Variants in TYMS observed in about 807,000 individuals in gnomAD.
TYMS encodes thymidylate synthase.
Under a neutral mutation model 39.3 loss-of-function variants are expected in TYMS, and 21 were observed. The ratio of observed to expected loss-of-function variants is 0.54; its 90% CI spans 0.38 to 0.77. TYMS has a LOEUF of 0.77. Among genes scored for constraint, TYMS ranks in the 30% least tolerant of loss-of-function variants. The pLI is 0.00. For missense variants in TYMS, 273 were observed against 406.7 expected (o/e 0.67, Z 2.83); for synonymous variants, 171 against 162.2 (o/e 1.05, Z -0.41).
intron 4 of TYMS, 189 bp from the exon 5 acceptor site, chr18:670,503 G>A (rs375299193): frequency 1.7e-4 from 100 of 599,334 alleles, no homozygotes; most frequent in Non-Finnish European, 2.4e-4. Context: ...ACCTTGCACC[G>A]ATGGATAGTC....
At chr18:670,418 T>C (rs2074986786) in intron 4 of TYMS, 1 of 363,858 alleles carries the variant, frequency 2.7e-6, no homozygotes. Context: ...TGTAATCTGG[T>C]GCCACGAGGT....
intron 3 of TYMS, among the ~76,000 whole-genome samples, chr18:667,013 ATGGAGATGGAGATGGT>A: frequency 1.6e-4 from 1 of 6,232 alleles, no homozygotes. Context: ...GGTGATGGTG[ATGGAGATGGAGATGGT>A]GATGGAGATG....
chr18:672,817 G>C (rs774123981), intron 6 of TYMS, 43 bp from the exon 7 acceptor site: 1 of 1,535,702 alleles, frequency 6.5e-7, no homozygotes, highest in Non-Finnish European at 8.9e-7. Context: ...ATTACAACAG[G>C]TCGTACAATT....
chr18:661,873 T>C (rs2074759091), intron 2 of TYMS, among the ~76,000 whole-genome samples: 1 of 152,210 alleles, frequency 6.6e-6, no homozygotes, highest in Admixed American at 6.5e-5. Context: ...TAATCCCAGC[T>C]ACTCGGGAGG....
rs2074745815 is a variant in TYMS at position 660,460 on chromosome 18, G to A, written c.279+746G>A. 6.6e-6 allele frequency among the ~76,000 whole-genome samples: 1 copy of A among 152,216 alleles called. No individual in the cohort carries two copies. The highest frequency in any genetic ancestry group is 3.2e-3 in the Middle Eastern group (1 of 316). Reference sequence around the variant, plus strand: ...AAGGGGGACAGCAGGTAGTAAAAGTGAAATGTGCTGTAAGCTTTATGAGGG... The same window carrying A: ...AAGGGGGACAGCAGGTAGTAAAAGTAAAATGTGCTGTAAGCTTTATGAGGG... On this transcript the variant is annotated intron_variant, in intron 2 of 6. Coordinates refer to ENST00000323274, the MANE Select transcript of TYMS (RefSeq NM_001071.4). This position sits in a 1 kb window ranked among gnomAD's most constrained non-coding sequence, Gnocchi z 4.6.
intron 3 of TYMS, among the ~76,000 whole-genome samples, chr18:667,358 TGATGGA>T (rs1318751891): frequency 3.1e-4 from 8 of 25,414 alleles, no homozygotes; most frequent in South Asian, 5.0e-3. Flanking sequence ...ATGGTGATGG[TGATGGA>T]GATGGTGATG....
rs1307007684 is a variant in TYMS at position 670,622 on chromosome 18, TTTTAC to T, written c.557-66_557-62del. 6.5e-6 allele frequency: 10 copies of T among 1,550,116 alleles called. No homozygotes were observed. In the African/African-American group the frequency reaches 1.1e-4, roughly 17 times the overall value. ...TGAGTTGGCTTCTGTTTCTCTCCTGTTTTACTTTGCCTTTAGCTGTGGTCTTTCAA... is the reference window on the plus strand; with the variant it reads ...TGAGTTGGCTTCTGTTTCTCTCCTGTTTTGCCTTTAGCTGTGGTCTTTCAA... On this transcript the variant is annotated intron_variant, in intron 4 of 6. Coordinates refer to ENST00000323274, the MANE Select transcript of TYMS (RefSeq NM_001071.4).
chr18:669,188 GTCGTCT>G lies in TYMS; in HGVS notation c.556+18_556+23del. 11 of 1,608,002 alleles carry G rather than the reference GTCGTCT, an allele frequency of 6.8e-6. No individual in the cohort carries two copies. The highest frequency in any genetic ancestry group is 9.4e-6 in the Non-Finnish European group (11 of 1,174,688). The stretch of plus-strand genomic sequence containing the variant: ...GAATCCAAGAGGTTGAAAGAACCCC[GTCGTCT>G]TCATTTATACTAACCATACTCTTAG... On this transcript the variant is annotated intron_variant, in intron 4 of 6. Transcript: ENST00000323274.
chr18:671,688 G>C (rs571616821), intron 6 of TYMS: 1 of 525,414 alleles, frequency 1.9e-6, no homozygotes, highest in Non-Finnish European at 3.3e-6. Flanking sequence ...GTACCAGAGA[G>C]GGAAGAGCCA....
intron 1 of TYMS, among the ~76,000 whole-genome samples, chr18:659,184 AAGCG>A (rs1238503663): frequency 6.6e-6 from 1 of 152,208 alleles, no homozygotes; most frequent in Non-Finnish European, 1.5e-5. Flanking sequence ...ACTGTACCAC[AAGCG>A]AGTGCGGATG....
intron 3 of TYMS, among the ~76,000 whole-genome samples, 157 bp downstream of exon 3, chr18:662,477 T>G (rs1314087603): frequency 6.6e-6 from 1 of 151,048 alleles, no homozygotes; most frequent in Non-Finnish European, 1.5e-5. Context: ...AAGCCACAAT[T>G]AAGCCTCATG....
At chr18:667,962 TTTTTAA>T (rs1039479129) in intron 3 of TYMS, among the ~76,000 whole-genome samples, 14 of 151,646 alleles carry the variant, frequency 9.2e-5, no homozygotes, top group African/African-American at 2.9e-4. Flanking sequence ...TCCCTTTTTG[TTTTTAA>T]TTTTGTTTTA....
intron 5 of TYMS, 182 bp downstream of exon 5, chr18:671,049 G>A: frequency 1.4e-6 from 1 of 704,876 alleles, no homozygotes; most frequent in Non-Finnish European, 2.3e-6. Context: ...TTCTGGCCCT[G>A]TGGTATACGC....
In TYMS at chr18:658,049, T is replaced by C. The variant is rs867324318; in HGVS notation, c.205+102T>C. 13 of 1,567,150 alleles carry C rather than the reference T, an allele frequency of 8.3e-6. No homozygotes were observed. The East Asian group carries it at 2.4e-4, about 29-fold the overall frequency. ...GGGCGCTGCGGACCCCGTTTAGTCC[T>C]AACCTCAATCCTGCGAGGGAGGGGA... On this transcript the variant is annotated intron_variant, in intron 1 of 6. Coordinates refer to ENST00000323274, the MANE Select transcript of TYMS (RefSeq NM_001071.4). The surrounding 1 kb of genome is among the most constrained non-coding windows in gnomAD (Gnocchi z 4.5).
chr18:662,237 C>T lies in TYMS; in HGVS notation c.371C>T (p.Ser124Phe). The change falls in exon 3 of 7, where the codon TCC becomes TTC. Residue 124 changes from serine to phenylalanine, a missense_variant. Physicochemically the swap from Ser to Phe is radical, Grantham distance 155 (BLOSUM62 -2). Around this residue, in one of 3 missense-constraint regions of TYMS, gnomAD observed 228 missense variants for 326.1 expected, o/e 0.70. Transcript: ENST00000323274. Reference protein sequence around the residue: ...SRDFLDSLGFSTREEGDLGPV... With the variant: ...SRDFLDSLGFFTREEGDLGPV... ...GACTTTTTGGACAGCCTGGGATTCT[C>T]CACCAGAGAAGAAGGGGACTTGGGC... 1 of 1,614,020 alleles carries T rather than the reference C, an allele frequency of 6.2e-7. No homozygotes were observed. Among genetic ancestry groups the T allele is most frequent in the Admixed American group, 1.7e-5 (1 of 60,010 alleles).
intron 6 of TYMS, chr18:672,556 TTGAC>T (rs2144408578): frequency 4.7e-6 from 1 of 212,610 alleles, no homozygotes; most frequent in South Asian, 1.4e-4. Context: ...GAGTTACAGA[TTGAC>T]TGTGTTCCTG....
At chr18:671,195 G>A (rs944582907) in intron 5 of TYMS, 185 bp from the exon 6 acceptor site, 6 of 621,016 alleles carry the variant, frequency 9.7e-6, no homozygotes, top group African/African-American at 9.2e-5. Flanking sequence ...ATTGCTTGAG[G>A]TCTGGAGTTC....
rs188076947 is a variant in TYMS, at chr18:660,922, A to G, written c.279+1208A>G. ...TTATCCCATTTTAGAAAGGGCTTCA[A>G]TTTGGATCCAGCCCCAGGTCTGCCT... On this transcript the variant is annotated intron_variant, in intron 2 of 6. Transcript: ENST00000323274. This position sits in a 1 kb window ranked among gnomAD's most constrained non-coding sequence, Gnocchi z 4.6. 1.3e-3 allele frequency among the ~76,000 whole-genome samples: 197 copies of G among 152,246 alleles called. 2 individuals are homozygous for G. The highest frequency in any genetic ancestry group is 3.1e-3 in the South Asian group (15 of 4,826).
Position 673,002 on chromosome 18 carries a change from CTT to C in TYMS, c.*7_*8del. On this transcript the variant is annotated 3_prime_UTR_variant, in exon 7 of 7. Transcript: ENST00000323274. ...AAAATGGAAATGGCTGTTTAGGGTG[CTT>C]TCAAAGGAGCTCGAAGGATATTGTC... The C allele has an allele frequency of 6.4e-7, 1 of 1,553,380 alleles. No individual in the cohort carries two copies. The highest frequency in any genetic ancestry group is 8.8e-7 in the Non-Finnish European group (1 of 1,134,838).
Sources: gnomAD v4.1 joint callset for allele counts (sites outside exome capture counted in the v4.1 genomes callset) on GRCh38, gnomAD v4.1.1 for gene constraint, gnomAD v4.1.1 regional missense constraint, Gnocchi (gnomAD v3.1) non-coding constraint, MANE v1.5 for transcripts, NCBI Gene and HGNC (gene_info 2026-07-23, HGNC 2026-07-21) for gene names.